The following L1CAM variants were observed in gnomAD, a reference collection of about 807,000 sequenced individuals.
L1CAM encodes the protein L1 cell adhesion molecule.
In L1CAM, 8 loss-of-function variants were observed where a neutral mutation model predicts 93.0. The ratio of observed to expected loss-of-function variants is 0.09; its 90% confidence interval spans 0.05 to 0.16. The LOEUF is 0.16. Among genes scored for constraint, L1CAM ranks in the 10% least tolerant of loss-of-function variants. The probability of loss-of-function intolerance (pLI) is 1.00; values close to 1 mark genes in which losing one functional copy is unlikely to be tolerated. For missense variants in L1CAM, 777 were observed against 1,073.4 expected (o/e 0.72, Z 3.86); for synonymous variants, 453 against 453.0 (o/e 1.00, Z 0.00).
rs782562027 is a variant in L1CAM, at chrX:153,884,296, G to A, written c.-109+1769C>T. ...TGGGTAGGGAAGCTCTTCACTGGCTGCAGGGCAGGGGACCCCGCCACCTTG... is the reference window on the plus strand; with the variant it reads ...TGGGTAGGGAAGCTCTTCACTGGCTACAGGGCAGGGGACCCCGCCACCTTG... On this transcript the variant is annotated intron_variant, in intron 1 of 28. Coordinates refer to ENST00000370060, the MANE Select transcript of L1CAM (RefSeq NM_001278116.2). 9.3e-6 allele frequency: 9 copies of A among 970,926 alleles called. No individual in the cohort carries two copies. In the African/African-American group the frequency reaches 1.4e-4, roughly 15 times the overall value. 80.0% of individuals were successfully genotyped at this position (970,926 alleles called of 1,213,427 possible). A position where few individuals can be genotyped will look rare whatever the true frequency, so the allele number is the denominator to read the frequency against.
In L1CAM at chrX:153,866,869, C is replaced by A. The variant is rs146782397; in HGVS notation, c.2211G>T (p.Pro737=). The change falls in exon 19 of 29, where the codon CCG becomes CCT. Residue 737 remains proline (P), a splice_region_variant and synonymous_variant. Coordinates refer to ENST00000370060, the MANE Select transcript of L1CAM (RefSeq NM_001278116.2). ...ETTNMVITWK[P]LRWMDWNAPQ... ...GGGCGTTCCAGTCCATCCACCGGAG[C>A]GGCTGGAGGAGGCCAGCAGAAGAGG... is the stretch of plus-strand genomic sequence containing the variant. 6 of 1,207,645 alleles carry A rather than the reference C, an allele frequency of 5.0e-6. No homozygotes were observed. The highest frequency in any genetic ancestry group is 1.7e-5 in the African/African-American group (1 of 57,676).
At position 153,863,386 on chromosome X, in the gene L1CAM, T is replaced by C. The variant is rs781865541; in HGVS notation, c.3531-7A>G. ...GCCTTACCTCTCCAGGGACCTGAAG[T>C]CACCCGGCAGCACAGAGAAGAGAGA... On this transcript the variant is annotated splice_polypyrimidine_tract_variant and splice_region_variant and intron_variant, in intron 27 of 28. Coordinates refer to ENST00000370060, the MANE Select transcript of L1CAM (RefSeq NM_001278116.2). 3 of 1,210,389 alleles carry C rather than the reference T, an allele frequency of 2.5e-6. No homozygotes were observed. Among genetic ancestry groups the C allele is most frequent in the Admixed American group, 4.4e-5 (2 of 45,951 alleles).
intron 1 of L1CAM, chrX:153,883,634 C>A (rs1254610192): frequency 6.9e-6 from 2 of 289,792 alleles, no homozygotes; most frequent in Non-Finnish European, 1.4e-5. Context: ...GCATCCAGAC[C>A]CCCCGCCTCC....
chrX:153,881,116 C>T (rs781860017), intron 1 of L1CAM, among the ~76,000 whole-genome samples: 6 of 112,442 alleles, frequency 5.3e-5, no homozygotes, highest in Non-Finnish European at 1.1e-4. Context: ...CAACTTACAG[C>T]GTGGACTTAC....
intron 25 of L1CAM, 141 bp from the exon 26 acceptor site, chrX:153,864,158 T>G: frequency 9.7e-7 from 1 of 1,028,789 alleles, no homozygotes; most frequent in East Asian, 3.0e-5. Context: ...GCGGAAAGGG[T>G]ATGAAAGGGG....
Position 153,864,866 on chromosome X carries a change from G to A in L1CAM, c.3001C>T (p.Pro1001Ser). 1 of 1,212,319 alleles carries A rather than the reference G, an allele frequency of 8.2e-7. No individual in the cohort carries two copies. The highest frequency in any genetic ancestry group is 1.1e-6 in the Non-Finnish European group (1 of 895,556). The change falls in exon 23 of 29, where the codon CCT becomes TCT. Residue 1001 changes from proline to serine, a missense_variant. Around this residue, in one of 5 missense-constraint regions of L1CAM, gnomAD observed 71 missense variants for 77.4 expected, o/e 0.92. Transcript: ENST00000370060. ...CCTTCCCGTACGATGGCTTCACCAG[G>A]GCCCTCTTTGGTGGTGGCCTGAAGC... ...FQLQATTKEGPGEAIVREGGT... is the reference protein window; with the variant it reads ...FQLQATTKEGSGEAIVREGGT...
chrX:153,874,686 C>T (rs192155395), intron 2 of L1CAM, among the ~76,000 whole-genome samples: 1 of 112,441 alleles, frequency 8.9e-6, no homozygotes, highest in East Asian at 2.8e-4. Flanking sequence ...CTCTCAGTGA[C>T]ACTGGCCTCC....
In L1CAM at chrX:153,863,859, C is replaced by T. The variant is rs377079563; in HGVS notation, c.3457+24G>A. On this transcript the variant is annotated intron_variant, in intron 26 of 28. Transcript: ENST00000370060. ...TCCTCTCTGCCCTCGGCTCCACCCC[C>T]GTCACGTGGGGCTCAGAGGCTACCT... The T allele has an allele frequency of 5.0e-6, 6 of 1,211,738 alleles. No homozygotes were observed. In the African/African-American group the frequency reaches 5.2e-5, roughly 10 times the overall value.
intron 5 of L1CAM, among the ~76,000 whole-genome samples, 191 bp downstream of exon 5, chrX:153,871,961 G>C (rs1489051733): frequency 2.8e-5 from 3 of 108,304 alleles, no homozygotes; most frequent in Non-Finnish European, 3.8e-5. Flanking sequence ...GTGCAATGGA[G>C]ACAGAGACAG....
At chrX:153,879,301 G>A (rs1176920875) in intron 1 of L1CAM, among the ~76,000 whole-genome samples, 1 of 110,523 alleles carries the variant, frequency 9.0e-6, no homozygotes, top group Non-Finnish European at 1.9e-5. Context: ...GGGAAATTCC[G>A]AAACGGAGAC....
intron 3 of L1CAM, 64 bp from the exon 4 acceptor site, chrX:153,872,761 C>G (rs1695369109): frequency 1.1e-6 from 1 of 941,683 alleles, no homozygotes; most frequent in Middle Eastern, 2.6e-4. Flanking sequence ...AGCCTCAGCA[C>G]CTGTCCCATC....
At chrX:153,880,862 C>T (rs112126300) in intron 1 of L1CAM, 1 of 255,052 alleles carries the variant, frequency 3.9e-6, no homozygotes. Flanking sequence ...AACCTCACCC[C>T]TCCCTAAGAG....
chrX:153,864,525 A>C, intron 24 of L1CAM, 48 bp from the exon 25 acceptor site: 1 of 1,208,363 alleles, frequency 8.3e-7, no homozygotes. Flanking sequence ...AGTGCCAGGC[A>C]ACCCCTCTGG....
In L1CAM at chrX:153,870,165, G is replaced by A. The variant is rs2148497959; in HGVS notation, c.882C>T (p.Asn294=). The A allele has an allele frequency of 8.2e-7, 1 of 1,212,141 alleles. No individual in the cohort carries two copies. The change falls in exon 9 of 29, where the codon AAC becomes AAT. Residue 294 remains asparagine, a synonymous_variant. Coordinates refer to ENST00000370060, the MANE Select transcript of L1CAM (RefSeq NM_001278116.2). ...CCACTTTCAGCAGCTGCAGGGTCTT[G>A]TTGTGGTTCTGGTAGGTGACACGGT... ...PADRVTYQNH[N]KTLQLLKVGE...
chrX:153,870,219 C>A lies in L1CAM; in HGVS notation c.828G>T (p.Trp276Cys). ...CTGGCATGGGGCCACTGGGGCGCAG[C>A]CATTTGATGGTGGGCGTGGGACTGC... ...AEGFPTPTIK[W>C]LRPSGPMPAD... The change falls in exon 9 of 29, where the codon TGG (tryptophan) becomes TGT (cysteine). Residue 276 changes from tryptophan to cysteine, a missense_variant. Trp to Cys is a radical substitution (Grantham distance 215). Around this residue, in one of 5 missense-constraint regions of L1CAM, gnomAD observed 574 missense variants for 781.0 expected, o/e 0.73. Transcript: ENST00000370060. 8.3e-7 allele frequency: 1 copy of A among 1,211,469 alleles called. No homozygotes were observed. The highest frequency in any genetic ancestry group is 1.1e-6 in the Non-Finnish European group (1 of 895,173).
At chrX:153,870,761 G>A (rs782081570) in intron 7 of L1CAM, 29 bp downstream of exon 7, 6 of 1,189,528 alleles carry the variant, frequency 5.0e-6, no homozygotes, top group East Asian at 5.9e-5. Flanking sequence ...AAGGAGTCAG[G>A]GAGAGAGTGC....
intron 1 of L1CAM, chrX:153,885,489 A>C: frequency 2.4e-6 from 2 of 820,289 alleles, no homozygotes; most frequent in Non-Finnish European, 3.2e-6. Context: ...GAGGAGAACA[A>C]AGCCCCCCCA....
intron 6 of L1CAM, 47 bp from the exon 7 acceptor site, chrX:153,871,007 ACC>A: frequency 8.3e-7 from 1 of 1,209,787 alleles, no homozygotes; most frequent in East Asian, 3.0e-5. Context: ...CCAGGAAGAC[ACC>A]CCCGCTAACA....
intron 1 of L1CAM, among the ~76,000 whole-genome samples, chrX:153,882,314 G>A (rs1314690364): frequency 2.7e-5 from 3 of 110,868 alleles, no homozygotes; most frequent in Non-Finnish European, 5.7e-5. Flanking sequence ...CTGAAGCACA[G>A]CCTGGGTTGG....
Sources: allele counts gnomAD v4.1 joint callset (sites outside exome capture counted in the v4.1 genomes callset), GRCh38; gene constraint gnomAD v4.1.1; regional missense constraint gnomAD v4.1.1; transcripts MANE v1.5; gene names NCBI Gene and HGNC (gene_info 2026-07-23, HGNC 2026-07-21).